The following LYST variants were observed in gnomAD, a reference collection of about 807,000 sequenced individuals.
LYST encodes lysosomal-trafficking regulator.
Under a neutral mutation model 413.6 loss-of-function variants are expected in LYST, and 192 were observed. That is an observed-to-expected ratio of 0.46 (90% CI 0.41 to 0.52). The LOEUF is 0.52. Among genes scored for constraint, LYST ranks in the 20% least tolerant of loss-of-function variants. LYST has a pLI of 0.00. For missense variants in LYST, 3,815 were observed against 4,499.9 expected, an observed-to-expected ratio of 0.85 and a Z score of 4.35; for synonymous variants, 1,525 against 1,567.3, an observed-to-expected ratio of 0.97 and a Z score of 0.64.
At chr1:235,772,631 T>G (rs2103430037) in intron 19 of LYST, among the ~76,000 whole-genome samples, 1 of 152,304 alleles carries the variant, frequency 6.6e-6, no homozygotes, top group East Asian at 1.9e-4. Context: ...ACATCTAAGA[T>G]CAATCTATGT....
chr1:235,681,390 C>G (rs1031353313), intron 48 of LYST, among the ~76,000 whole-genome samples: 2 of 152,080 alleles, frequency 1.3e-5, no homozygotes, highest in Non-Finnish European at 2.9e-5. Context: ...AGCACGGGGC[C>G]TGGTGTGTGA....
At chr1:235,665,376 G>A (rs963915473) in intron 50 of LYST, among the ~76,000 whole-genome samples, 1 of 151,930 alleles carries the variant, frequency 6.6e-6, no homozygotes, top group Non-Finnish European at 1.5e-5. Flanking sequence ...TTTGGAGGCC[G>A]AGGCGGGTGG....
intron 21 of LYST, among the ~76,000 whole-genome samples, chr1:235,763,753 T>C (rs1667833291): frequency 6.6e-6 from 1 of 152,062 alleles, no homozygotes; most frequent in Non-Finnish European, 1.5e-5. Context: ...CCACCATGCC[T>C]AGCATGACTT....
At chr1:235,830,043 C>A (rs1050059686) in intron 3 of LYST, 183 bp downstream of exon 3, 2 of 578,392 alleles carry the variant, frequency 3.5e-6, no homozygotes, top group Middle Eastern at 4.6e-4. Flanking sequence ...ATATTTCAGA[C>A]GTTTTGAAAG....
At position 235,738,246 on chromosome 1, in the gene LYST, T is replaced by C. The variant is rs1664990972; in HGVS notation, c.8358+3176A>G. 8 of 1,611,084 alleles carry C rather than the reference T, an allele frequency of 5.0e-6. No homozygotes were observed. In the East Asian group the frequency reaches 1.3e-4, roughly 27 times the overall value. On this transcript the variant is annotated intron_variant, in intron 31 of 52. Coordinates refer to ENST00000389793, the MANE Select transcript of LYST (RefSeq NM_000081.4). Reference sequence around the variant, plus strand: ...ACCAAAGATTGTCTCTGGCAAAGACTATACTGTAACTGTAAACTCCAAGCT... The same window carrying C: ...ACCAAAGATTGTCTCTGGCAAAGACCATACTGTAACTGTAAACTCCAAGCT...
intron 31 of LYST, among the ~76,000 whole-genome samples, chr1:235,740,207 G>A (rs1446238207): frequency 6.6e-6 from 1 of 152,020 alleles, no homozygotes. Flanking sequence ...TATGATATGT[G>A]TTTTCCATGT....
intron 45 of LYST, among the ~76,000 whole-genome samples, chr1:235,698,333 CTA>C (rs1426649810): frequency 1.3e-5 from 2 of 152,162 alleles, no homozygotes; most frequent in Non-Finnish European, 2.9e-5. Context: ...GACGTATAGA[CTA>C]TCTTTTAAAA....
rs145439907 is a variant in LYST, at chr1:235,830,389, C to T, written c.29G>A (p.Arg10His). The T allele has an allele frequency of 1.4e-5, 23 of 1,613,270 alleles. No homozygotes were observed. Among genetic ancestry groups the T allele is most frequent in the Non-Finnish European group, 1.5e-5 (18 of 1,179,650 alleles). ...CCGGTTGACATCGGTCAGAAATTCA[C>T]GTGCCAGTGAGTTACTGTCGGTGCT... MSTDSNSLA[R>H]EFLTDVNRLC... is the part of the protein sequence containing the mutation. Residue 10 changes from arginine to histidine, a missense_variant, in exon 3 of 53, where the codon CGT (arginine) becomes CAT (histidine). Around this residue, in one of 4 missense-constraint regions of LYST, gnomAD observed 1,648 missense variants for 1,810.3 expected, o/e 0.91. Transcript: ENST00000389793.
intron 12 of LYST, among the ~76,000 whole-genome samples, chr1:235,791,277 T>TC (rs764685877): frequency 6.7e-6 from 1 of 149,710 alleles, no homozygotes; most frequent in Non-Finnish European, 1.5e-5. Flanking sequence ...AGTGAAACTG[T>TC]CTCAAAAAAA....
In LYST at chr1:235,686,904, C is replaced by T. The variant is rs746323271; in HGVS notation, c.10800+45G>A. 1.5e-6 allele frequency: 2 copies of T among 1,366,378 alleles called. No homozygotes were observed. The highest frequency in any genetic ancestry group is 2.3e-5 in the South Asian group (2 of 86,068). 84.6% of individuals were successfully genotyped at this position (1,366,378 alleles called of 1,614,324 possible). ...TACTTCATAAAGGCTTTCTTCCCCT[C>T]ATTGACAAAGTCCCATACTACCCAC... is the stretch of plus-strand genomic sequence containing the variant. On this transcript the variant is annotated intron_variant, in intron 48 of 52. Coordinates refer to ENST00000389793, the MANE Select transcript of LYST (RefSeq NM_000081.4). The surrounding 1 kb of genome is among the most constrained non-coding windows in gnomAD (Gnocchi z 4.0).
Position 235,808,873 on chromosome 1 carries a change from G to A in LYST, c.1945C>T (p.Gln649Ter). The A allele has an allele frequency of 6.2e-7, 1 of 1,613,890 alleles. No homozygotes were observed. The highest frequency in any genetic ancestry group is 8.5e-7 in the Non-Finnish European group (1 of 1,179,920). Residue 649 changes from glutamine to a stop codon, truncating the protein, a stop_gained, in exon 5 of 53, where the codon CAA (glutamine) becomes TAA (stop). Transcript: ENST00000389793. LOFTEE classifies it high-confidence loss of function. ...TTTCCCTGCAGTGTCTCTTCTAATTGGGCTAGTTGGTCAGAGTCAACAGTA... is the reference window on the plus strand; with the variant it reads ...TTTCCCTGCAGTGTCTCTTCTAATTAGGCTAGTTGGTCAGAGTCAACAGTA... ...ICTVDSDQLAQLEETLQGNLC... is the reference protein window; with the variant it reads ...ICTVDSDQLA
rs750766090 is a variant in LYST at position 235,695,870 on chromosome 1, C to T, written c.10564+1213G>A. Reference sequence around the variant, plus strand: ...CAGGATGGTCTCGATCTCCTGACTTCGTGATCTGCCCGCCTCAGCTTTCCA... The same window carrying T: ...CAGGATGGTCTCGATCTCCTGACTTTGTGATCTGCCCGCCTCAGCTTTCCA... On this transcript the variant is annotated intron_variant, in intron 46 of 52. Coordinates refer to ENST00000389793, the MANE Select transcript of LYST (RefSeq NM_000081.4). Among the ~76,000 whole-genome samples, 5 of 152,074 alleles carry T rather than the reference C, an allele frequency of 3.3e-5. No homozygotes were observed. The South Asian group carries it at 8.3e-4, about 25-fold the overall frequency.
chr1:235,729,720 C>G, intron 36 of LYST, 63 bp from the exon 37 acceptor site: 2 of 1,155,506 alleles, frequency 1.7e-6, no homozygotes, highest in Non-Finnish European at 2.6e-6. Context: ...AGAGGATATG[C>G]TTTATTTTAC....
intron 31 of LYST, chr1:235,738,493 T>C: frequency 2.5e-6 from 4 of 1,612,304 alleles, no homozygotes; most frequent in Non-Finnish European, 3.4e-6. Context: ...GGTTGCAATC[T>C]GGACTCAGCC....
intron 2 of LYST, among the ~76,000 whole-genome samples, chr1:235,832,482 G>C (rs1440816243): frequency 6.6e-6 from 1 of 152,026 alleles, no homozygotes; most frequent in Non-Finnish European, 1.5e-5. Flanking sequence ...GTTTTTTCCT[G>C]ATTTAAAAAT....
At chr1:235,739,086 G>T in intron 31 of LYST, 1 of 560,202 alleles carries the variant, frequency 1.8e-6, no homozygotes. Context: ...TGTGATTAAA[G>T]CAGTGATGTT....
At chr1:235,867,477 A>G (rs567421680), upstream of LYST, among the ~76,000 whole-genome samples, 30 of 152,338 alleles carry the variant, frequency 2.0e-4, no homozygotes, top group African/African-American at 7.2e-4. Flanking sequence ...GCTTCTTTCA[A>G]GAAACAAAAA....
chr1:235,700,486 C>G (rs191599154), intron 45 of LYST, among the ~76,000 whole-genome samples: 5 of 152,258 alleles, frequency 3.3e-5, no homozygotes, highest in Admixed American at 3.3e-4. Flanking sequence ...GCTTTTTATA[C>G]AGCTCTGATT....
At chr1:235,862,427 T>C (rs1391487783) in intron 1 of LYST, among the ~76,000 whole-genome samples, 1 of 152,156 alleles carries the variant, frequency 6.6e-6, no homozygotes, top group Non-Finnish European at 1.5e-5. Context: ...CATGATGAAA[T>C]CTCATCCTGC....
Sources: allele counts gnomAD v4.1 joint callset (sites outside exome capture counted in the v4.1 genomes callset), GRCh38; gene constraint gnomAD v4.1.1; regional missense constraint gnomAD v4.1.1; non-coding constraint Gnocchi (gnomAD v3.1); transcripts MANE v1.5; gene names NCBI Gene and HGNC (gene_info 2026-07-23, HGNC 2026-07-21).